Variants in RRM2B observed in about 807,000 individuals in gnomAD.
The protein encoded by RRM2B is ribonucleotide reductase regulatory TP53 inducible subunit M2B, also known as ribonucleoside-diphosphate reductase subunit M2 B.
Under a neutral mutation model 45.9 loss-of-function variants are expected in RRM2B, and 20 were observed. The ratio of observed to expected loss-of-function variants is 0.44; its 90% CI spans 0.31 to 0.63. RRM2B has a LOEUF of 0.63. RRM2B is among the 30% of genes least tolerant of loss of function. RRM2B has a pLI of 0.09. For synonymous variants in RRM2B, 124 were observed against 132.3 expected, an observed-to-expected ratio of 0.94 and a Z score of 0.43; for missense variants, 320 against 414.7, an observed-to-expected ratio of 0.77 and a Z score of 1.98.
At chr8:102,215,045 T>TAAAAAAAA (rs3063793) in intron 6 of RRM2B, among the ~76,000 whole-genome samples, 15 of 61,750 alleles carry the variant, frequency 2.4e-4, no homozygotes, top group South Asian at 5.4e-4. Context: ...AGCTAAATAT[T>TAAAAAAAA]AAAAAAAAAA....
chr8:102,222,099 A>G (rs1810847450), intron 5 of RRM2B, among the ~76,000 whole-genome samples: 1 of 145,832 alleles, frequency 6.9e-6, no homozygotes, highest in African/African-American at 2.5e-5. Context: ...TTTTTTTTAG[A>G]GTCTGGGTCT....
chr8:102,214,966 T>G (rs1286323285), intron 6 of RRM2B, among the ~76,000 whole-genome samples: 2 of 141,298 alleles, frequency 1.4e-5, no homozygotes, highest in East Asian at 4.1e-4. Flanking sequence ...TCTTAAGTAA[T>G]TGGAGAATAG....
intron 8 of RRM2B, among the ~76,000 whole-genome samples, chr8:102,211,183 G>GA (rs1166656662): frequency 6.6e-6 from 1 of 152,034 alleles, no homozygotes; most frequent in Non-Finnish European, 1.5e-5. Context: ...CTAATTTTTT[G>GA]TAGGATTTCG....
In RRM2B at chr8:102,213,920, G is replaced by GCA. The variant is rs1810679015; in HGVS notation, c.789+133_789+134insTG. ...TAATAATTGTAATATATCATGTATT[G>GCA]GTATTGTCAGGCTGACCAGAATAAA... On this transcript the variant is annotated intron_variant, in intron 7 of 8. Transcript: ENST00000251810. 2.9e-6 allele frequency: 2 copies of GCA among 692,592 alleles called. 1 individual carries two copies. The highest frequency in any genetic ancestry group is 3.1e-5 in the South Asian group (2 of 64,866). The allele number at this position is 692,592 out of a possible 1,614,324, so 42.9% of individuals were successfully genotyped here. A position where few individuals can be genotyped will look rare whatever the true frequency, so the allele number is the denominator to read the frequency against.
Position 102,226,119 on chromosome 8 carries a change from A to G in RRM2B, c.205-85T>C, listed in dbSNP as rs949339393. ...GGGAAACTAACTTCTATTGTTAAGT[A>G]GGAATATCCCACTACCAGTAAACTA... is the stretch of plus-strand genomic sequence containing the variant. On this transcript the variant is annotated intron_variant, in intron 2 of 8. Transcript: ENST00000251810. The G allele has an allele frequency of 3.9e-4, 311 of 803,196 alleles. 2 individuals carry two copies. In the Admixed American group the frequency reaches 5.4e-3, roughly 14 times the overall value. 49.8% of individuals were successfully genotyped at this position (803,196 alleles called of 1,614,324 possible).
At chr8:102,219,025 A>G in intron 5 of RRM2B, 78 bp from the exon 6 acceptor site, 1 of 1,386,870 alleles carries the variant, frequency 7.2e-7, no homozygotes. Context: ...ATATATAACA[A>G]TAAATACCAC....
chr8:102,213,054 A>T (rs988712090), intron 7 of RRM2B, among the ~76,000 whole-genome samples, 165 bp from the exon 8 acceptor site: 2 of 152,210 alleles, frequency 1.3e-5, no homozygotes, highest in African/African-American at 2.4e-5. Context: ...ATATTTAAAA[A>T]CATTTGGGGT....
intron 8 of RRM2B, among the ~76,000 whole-genome samples, chr8:102,208,703 G>C (rs911312863): frequency 6.6e-6 from 1 of 152,160 alleles, no homozygotes; most frequent in African/African-American, 2.4e-5. Context: ...TTCTAAGTAT[G>C]TTTCTTAGTT....
At chr8:102,214,013 A>G (rs764482338) in intron 7 of RRM2B, 41 bp downstream of exon 7, 250 of 1,291,164 alleles carry the variant, frequency 1.9e-4, no homozygotes, top group Non-Finnish European at 2.7e-4. Flanking sequence ...CAAACATCAG[A>G]GAAAGAGAGA....
chr8:102,208,314 T>C, intron 8 of RRM2B, 29 bp from the exon 9 acceptor site: 1 of 1,460,668 alleles, frequency 6.8e-7, no homozygotes, highest in South Asian at 1.2e-5. Flanking sequence ...TTATTAGACA[T>C]TCTGAAGAGA....
At chr8:102,212,168 T>A (rs1810645779) in intron 8 of RRM2B, among the ~76,000 whole-genome samples, 1 of 152,156 alleles carries the variant, frequency 6.6e-6, no homozygotes, top group Non-Finnish European at 1.5e-5. Context: ...ATTATTACTA[T>A]CTCTAATTTA....
intron 2 of RRM2B, among the ~76,000 whole-genome samples, chr8:102,229,886 CTTATATA>C (rs1810999261): frequency 6.6e-6 from 1 of 152,024 alleles, no homozygotes. Context: ...TGCTCGACCT[CTTATATA>C]TTATATATTT....
chr8:102,228,560 G>A (rs557298923), intron 2 of RRM2B, among the ~76,000 whole-genome samples: 14 of 152,196 alleles, frequency 9.2e-5, no homozygotes, highest in South Asian at 2.1e-4. Context: ...AGCCATCTGC[G>A]GACAGCAAAA....
Position 102,218,950 on chromosome 8 carries a change from G to A in RRM2B, c.551-3C>T, listed in dbSNP as rs542652118. 4.3e-6 allele frequency: 7 copies of A among 1,612,850 alleles called. No individual in the cohort carries two copies. In the African/African-American group the frequency reaches 5.3e-5, roughly 12 times the overall value. ...AGCAAAGGCCACCACTCTTTCCCCT[G>A]GGAGACATAAAATCGTTTCAATTTT... On this transcript the variant is annotated splice_region_variant and splice_polypyrimidine_tract_variant and intron_variant, in intron 5 of 8. Coordinates refer to ENST00000251810, the MANE Select transcript of RRM2B (RefSeq NM_015713.5).
At position 102,204,822 on chromosome 8, in the gene RRM2B, G is replaced by A. The variant is rs1037146735; in HGVS notation, c.*3311C>T. On this transcript the variant is annotated 3_prime_UTR_variant, in exon 9 of 9. Coordinates refer to ENST00000251810, the MANE Select transcript of RRM2B (RefSeq NM_015713.5). ...AATGAAAACACAGTTGTAAAACAAA[G>A]TATGTAAGAATATTGTGACCTTATT... 3.3e-5 allele frequency: 5 copies of A among 152,146 alleles called. 1 individual carries two copies. Among genetic ancestry groups the A allele is most frequent in the Non-Finnish European group, 7.4e-5 (5 of 68,002 alleles). 9.4% of individuals were successfully genotyped at this position (152,146 alleles called of 1,614,324 possible).
intron 2 of RRM2B, among the ~76,000 whole-genome samples, chr8:102,231,883 AAAAG>A (rs1452145535): frequency 6.6e-6 from 1 of 151,682 alleles, no homozygotes; most frequent in Non-Finnish European, 1.5e-5. Flanking sequence ...AAAAAAAAAA[AAAAG>A]AAAAAGAAAA....
chr8:102,215,211 G>A (rs1238939775), intron 6 of RRM2B, among the ~76,000 whole-genome samples: 1 of 150,844 alleles, frequency 6.6e-6, no homozygotes, highest in Non-Finnish European at 1.5e-5. Context: ...TCAGGAATTC[G>A]AGACCAGCCT....
At position 102,224,949 on chromosome 8, in the gene RRM2B, C is replaced by T. The variant is rs515726188; in HGVS notation, c.391G>A (p.Glu131Lys). Reference protein sequence around the residue: ...RCFYGFQILIENVHSEMYSLL... With the variant: ...RCFYGFQILIKNVHSEMYSLL... ...CTGTACATCTCTGAGTGAACATTCT[C>T]GATGAGAATTTGAAAGCCATAGAAA... The change falls in exon 4 of 9, where the codon GAG (glutamate) becomes AAG (lysine). Residue 131 changes from glutamate to lysine, a missense_variant. This residue lies in a region of RRM2B where 225 missense variants were observed against 289.4 expected (regional missense o/e 0.78). Coordinates refer to ENST00000251810, the MANE Select transcript of RRM2B (RefSeq NM_015713.5). The T allele has an allele frequency of 6.8e-6, 11 of 1,613,910 alleles. No homozygotes were observed. The highest frequency in any genetic ancestry group is 2.7e-5 in the African/African-American group (2 of 75,002).
chr8:102,209,834 A>C (rs1810605884), intron 8 of RRM2B, among the ~76,000 whole-genome samples: 1 of 152,258 alleles, frequency 6.6e-6, no homozygotes, highest in South Asian at 2.1e-4. Context: ...CTACAACATG[A>C]ATGCACCATG....
Sources: allele counts gnomAD v4.1 joint callset (sites outside exome capture counted in the v4.1 genomes callset), GRCh38; gene constraint gnomAD v4.1.1; regional missense constraint gnomAD v4.1.1; transcripts MANE v1.5; gene names NCBI Gene and HGNC (gene_info 2026-07-23, HGNC 2026-07-21).